Variants in CDH13 observed in about 807,000 individuals in gnomAD.
The protein encoded by CDH13 is cadherin-13.
A neutral mutation model predicts 63.8 loss-of-function variants in CDH13; 24 were observed. That is an observed-to-expected ratio of 0.38 (90% CI 0.27 to 0.53). The LOEUF (loss-of-function observed/expected upper bound fraction) is 0.53, where lower values mean the gene tolerates loss of function less well. Among genes scored for constraint, CDH13 ranks in the 20% least tolerant of loss-of-function variants. The probability of loss-of-function intolerance (pLI) is 0.85; values close to 1 mark genes in which losing one functional copy is unlikely to be tolerated. For missense variants in CDH13, 1,049 were observed against 903.1 expected, an observed-to-expected ratio of 1.16 and a Z score of -2.07; for synonymous variants, 503 against 355.3, an observed-to-expected ratio of 1.42 and a Z score of -4.67.
intron 1 of CDH13, among the ~76,000 whole-genome samples, chr16:82,816,691 T>G (rs2037727775): frequency 7.3e-6 from 1 of 137,852 alleles, no homozygotes; most frequent in South Asian, 2.8e-4. Context: ...GAAGATGAAC[T>G]TCAAAAACGA....
chr16:83,052,194 G>A (rs928920357), intron 3 of CDH13, among the ~76,000 whole-genome samples: 3 of 152,094 alleles, frequency 2.0e-5, no homozygotes, highest in African/African-American at 4.8e-5. Flanking sequence ...AGTAGTAAAT[G>A]CCTCATTATC....
intron 1 of CDH13, among the ~76,000 whole-genome samples, chr16:82,756,564 C>T (rs181534679): frequency 2.2e-3 from 342 of 152,194 alleles, no homozygotes; most frequent in Middle Eastern, 0.01. Flanking sequence ...ATAGAGATTA[C>T]GGGACAGTGG....
intron 3 of CDH13, among the ~76,000 whole-genome samples, chr16:83,048,457 C>T (rs188859180): frequency 6.6e-6 from 1 of 152,214 alleles, no homozygotes; most frequent in Non-Finnish European, 1.5e-5. Flanking sequence ...TTATTGCTAC[C>T]CTGTAATTAT....
intron 1 of CDH13, among the ~76,000 whole-genome samples, chr16:82,784,128 G>A (rs1307586975): frequency 1.3e-5 from 2 of 152,080 alleles, no homozygotes; most frequent in Non-Finnish European, 2.9e-5. Flanking sequence ...AAATTTCGGT[G>A]GTTTAACAGA....
intron 4 of CDH13, among the ~76,000 whole-genome samples, chr16:83,187,707 C>T (rs2038569520): frequency 6.6e-6 from 1 of 152,178 alleles, no homozygotes; most frequent in South Asian, 2.1e-4. Context: ...TCCGTGGACA[C>T]AGCAGTGAAC....
intron 2 of CDH13, among the ~76,000 whole-genome samples, chr16:82,971,116 G>C (rs1908676791): frequency 6.6e-6 from 1 of 152,134 alleles, no homozygotes; most frequent in African/African-American, 2.4e-5. Flanking sequence ...CTCAACCAAA[G>C]ACCAGCAGGA....
intron 7 of CDH13, among the ~76,000 whole-genome samples, chr16:83,520,146 A>G (rs1353292573): frequency 6.6e-6 from 1 of 152,182 alleles, no homozygotes; most frequent in Admixed American, 6.5e-5. Flanking sequence ...CCAGTCTTGA[A>G]ACAATACATA....
chr16:83,360,800 A>G (rs1567616655), intron 6 of CDH13, among the ~76,000 whole-genome samples: 1 of 152,150 alleles, frequency 6.6e-6, no homozygotes, highest in East Asian at 1.9e-4. Flanking sequence ...ATTCTTTTCT[A>G]TGGCTGCATA....
intron 8 of CDH13, among the ~76,000 whole-genome samples, chr16:83,658,031 C>T (rs1395643048): frequency 1.1e-5 from 1 of 94,590 alleles, no homozygotes; most frequent in Non-Finnish European, 2.4e-5. Flanking sequence ...CACCAGGTCC[C>T]ATGTCCTCAC....
chr16:82,681,564 C>T (rs1422654947), intron 1 of CDH13, among the ~76,000 whole-genome samples: 1 of 152,216 alleles, frequency 6.6e-6, no homozygotes, highest in Admixed American at 6.5e-5. Context: ...TTGCCTCTTA[C>T]TCATTTTCTG....
At chr16:83,569,150 G>C (rs763317466) in intron 7 of CDH13, among the ~76,000 whole-genome samples, 34 of 151,926 alleles carry the variant, frequency 2.2e-4, no homozygotes, top group African/African-American at 7.7e-4. Context: ...CCTGCCCTCT[G>C]TGCTTTGCAC....
chr16:83,535,952 G>GAAGAA (rs72331325), intron 7 of CDH13, among the ~76,000 whole-genome samples: 23 of 149,542 alleles, frequency 1.5e-4, no homozygotes, highest in East Asian at 4.0e-4. Context: ...AGGAAGGAAG[G>GAAGAA]AAGAAAAGAA....
intron 2 of CDH13, among the ~76,000 whole-genome samples, chr16:83,015,673 G>GTGTATA (rs1220935113): frequency 5.0e-5 from 2 of 39,992 alleles, no homozygotes; most frequent in Non-Finnish European, 1.0e-4. Flanking sequence ...GTGTGTGTGT[G>GTGTATA]TATGTATATA....
At chr16:82,798,319 G>T (rs1386139748) in intron 1 of CDH13, among the ~76,000 whole-genome samples, 1 of 152,256 alleles carries the variant, frequency 6.6e-6, no homozygotes, top group Non-Finnish European at 1.5e-5. Flanking sequence ...TTAGAACTCA[G>T]GTCTGTCTGA....
At chr16:82,835,775 A>G (rs1461340911) in intron 1 of CDH13, among the ~76,000 whole-genome samples, 4 of 152,138 alleles carry the variant, frequency 2.6e-5, no homozygotes, top group Non-Finnish European at 5.9e-5. Context: ...GTGATGATCA[A>G]TCCATATGCA....
At chr16:83,698,396 T>G (rs1203821240) in intron 10 of CDH13, among the ~76,000 whole-genome samples, 1 of 152,244 alleles carries the variant, frequency 6.6e-6, no homozygotes, top group Non-Finnish European at 1.5e-5. Context: ...GTTTCTTTAC[T>G]TTCTCCCAGT....
chr16:83,053,002 G>T (rs1301435789), intron 3 of CDH13, among the ~76,000 whole-genome samples: 1 of 152,076 alleles, frequency 6.6e-6, no homozygotes, highest in East Asian at 1.9e-4. Context: ...CATAAGCCTT[G>T]TGGTTTGGGA....
chr16:82,957,139 G>T (rs1157857910), intron 2 of CDH13, among the ~76,000 whole-genome samples: 3 of 152,110 alleles, frequency 2.0e-5, no homozygotes, highest in Non-Finnish European at 4.4e-5. Flanking sequence ...GTGGGAAAGG[G>T]GAAAGGGGAG....
At chr16:83,364,549 G>A (rs1252249446) in intron 6 of CDH13, among the ~76,000 whole-genome samples, 1 of 152,170 alleles carries the variant, frequency 6.6e-6, no homozygotes, top group Non-Finnish European at 1.5e-5. Flanking sequence ...ATAAAATAGA[G>A]CTCAAGATGG....
Sources: allele counts gnomAD v4.1 joint callset (sites outside exome capture counted in the v4.1 genomes callset), GRCh38; gene constraint gnomAD v4.1.1; transcripts MANE v1.5; gene names NCBI Gene and HGNC (gene_info 2026-07-23, HGNC 2026-07-21).